CTDSPL: variants seen among roughly 807,000 people sequenced by gnomAD.
CTDSPL encodes the protein CTD small phosphatase like.
In CTDSPL, 8 loss-of-function variants were observed where a neutral mutation model predicts 30.5. The ratio of observed to expected loss-of-function variants is 0.26; its 90% confidence interval spans 0.15 to 0.47. The LOEUF (loss-of-function observed/expected upper bound fraction) is 0.47, where lower values mean the gene tolerates loss of function less well. Ranked by LOEUF, CTDSPL falls within the 20% of genes least tolerant of loss-of-function variation. The pLI is 0.99. For missense variants in CTDSPL, 248 were observed against 366.1 expected (o/e 0.68, Z 2.63); for synonymous variants, 110 against 137.9 (o/e 0.80, Z 1.42).
chr3:37,882,095 G>A (rs1284750857), intron 1 of CTDSPL, among the ~76,000 whole-genome samples: 2 of 152,120 alleles, frequency 1.3e-5, no homozygotes, highest in Non-Finnish European at 2.9e-5. Context: ...ATCACCTGAG[G>A]TCAGGAGTTT....
rs58061973 is a variant in CTDSPL at position 37,964,032 on chromosome 3, TAAAAAAAAAA to T, written c.268-511_268-502del. 9.1e-4 allele frequency among the ~76,000 whole-genome samples: 21 copies of T among 22,988 alleles called. No homozygotes were observed. The South Asian group carries it at 0.013, about 14-fold the overall frequency. The allele number at this position is 22,988 out of a possible 152,430, so 15.1% of individuals were successfully genotyped here. ...CAAGTTTTTTAAAAATCTCAGTCAC[TAAAAAAAAAA>T]AAAAAAAAAAAAAAAAAAAAAAAAA... On this transcript the variant is annotated intron_variant, in intron 3 of 7. Coordinates refer to ENST00000273179, the MANE Select transcript of CTDSPL (RefSeq NM_001008392.2).
chr3:37,967,999 A>G, intron 5 of CTDSPL, 117 bp downstream of exon 5: 1 of 690,826 alleles, frequency 1.4e-6, no homozygotes, highest in Non-Finnish European at 2.4e-6. Flanking sequence ...AATCAAAAGG[A>G]AGCATACTGT....
chr3:37,874,521 A>G (rs1393393714), intron 1 of CTDSPL, among the ~76,000 whole-genome samples: 1 of 152,092 alleles, frequency 6.6e-6, no homozygotes, highest in Non-Finnish European at 1.5e-5. Context: ...CACGAGGTCA[A>G]GAGATTGAGA....
chr3:37,888,600 A>G (rs1195480461), intron 1 of CTDSPL, among the ~76,000 whole-genome samples: 1 of 152,076 alleles, frequency 6.6e-6, no homozygotes, highest in Admixed American at 6.5e-5. Context: ...TACTTAGACC[A>G]CCCTGTTTGA....
Position 37,948,978 on chromosome 3 carries a change from G to A in CTDSPL, c.234+1767G>A, listed in dbSNP as rs921482987. 7.9e-5 allele frequency among the ~76,000 whole-genome samples: 12 copies of A among 150,962 alleles called. No homozygotes were observed. In the South Asian group the frequency reaches 1.1e-3, roughly 13 times the overall value. On this transcript the variant is annotated intron_variant, in intron 2 of 7. Transcript: ENST00000273179. ...TGGGACTACAGGCGCCCGCCACCGC[G>A]CCCGGCTAATTTTTTGTATTTTTAG...
At chr3:37,893,173 A>G (rs1308931260) in intron 1 of CTDSPL, among the ~76,000 whole-genome samples, 1 of 152,202 alleles carries the variant, frequency 6.6e-6, no homozygotes, top group African/African-American at 2.4e-5. Flanking sequence ...CTTTAGCAGG[A>G]CAGAACACAG....
intron 6 of CTDSPL, among the ~76,000 whole-genome samples, chr3:37,973,839 A>G (rs372660910): frequency 6.6e-6 from 1 of 152,262 alleles, no homozygotes; most frequent in Non-Finnish European, 1.5e-5. Context: ...CATTCTTCAC[A>G]TTCATTCTCT....
intron 1 of CTDSPL, among the ~76,000 whole-genome samples, chr3:37,914,035 G>T (rs1018080346): frequency 1.2e-4 from 19 of 152,128 alleles, no homozygotes; most frequent in African/African-American, 1.9e-4. Flanking sequence ...CAGAATTGAC[G>T]TCTTCACAGT....
intron 1 of CTDSPL, among the ~76,000 whole-genome samples, chr3:37,919,092 G>A (rs955514425): frequency 2.6e-5 from 4 of 152,010 alleles, no homozygotes; most frequent in African/African-American, 4.8e-5. Context: ...ACCCCTAGTC[G>A]CTACCAGGGC....
chr3:37,882,611 C>A (rs529316736), intron 1 of CTDSPL, among the ~76,000 whole-genome samples: 1 of 151,740 alleles, frequency 6.6e-6, no homozygotes, highest in South Asian at 2.1e-4. Flanking sequence ...AGGAAGACTC[C>A]GTCTCAAAAA....
intron 1 of CTDSPL, among the ~76,000 whole-genome samples, chr3:37,911,487 C>T (rs890046168): frequency 3.3e-5 from 5 of 152,124 alleles, no homozygotes; most frequent in African/African-American, 4.8e-5. Context: ...GAAGCAGAGC[C>T]GTGGAGCTTA....
chr3:37,918,540 C>T (rs984506832), intron 1 of CTDSPL, among the ~76,000 whole-genome samples: 1 of 152,188 alleles, frequency 6.6e-6, no homozygotes, highest in African/African-American at 2.4e-5. Flanking sequence ...AGAACTCTTT[C>T]ATTCTATCCT....
Position 37,980,992 on chromosome 3 carries a change from G to A in CTDSPL, c.*125G>A. On this transcript the variant is annotated 3_prime_UTR_variant, in exon 8 of 8. Coordinates refer to ENST00000273179, the MANE Select transcript of CTDSPL (RefSeq NM_001008392.2). ...CCGTGCTCCAGGCCACAGGGTGAAT[G>A]TGGCCATGCCTACCTGTTTTGTTTT... is the stretch of plus-strand genomic sequence containing the variant. 2 of 1,172,542 alleles carry A rather than the reference G, an allele frequency of 1.7e-6. No homozygotes were observed. Among genetic ancestry groups the A allele is most frequent in the Non-Finnish European group, 2.3e-6 (2 of 867,818 alleles). The allele number at this position is 1,172,542 out of a possible 1,614,324, so 72.6% of individuals were successfully genotyped here.
intron 1 of CTDSPL, among the ~76,000 whole-genome samples, chr3:37,939,190 G>A (rs1182456631): frequency 6.7e-6 from 1 of 150,220 alleles, no homozygotes; most frequent in African/African-American, 2.4e-5. Flanking sequence ...ACCTAAACCA[G>A]TCACAATTTT....
intron 1 of CTDSPL, among the ~76,000 whole-genome samples, chr3:37,905,862 A>T (rs559564713): frequency 1.3e-5 from 2 of 152,308 alleles, no homozygotes; most frequent in South Asian, 4.1e-4. Flanking sequence ...TGAAAGCCTG[A>T]TATTTTTCCA....
intron 1 of CTDSPL, among the ~76,000 whole-genome samples, chr3:37,891,060 A>G (rs935677254): frequency 2.6e-5 from 4 of 152,152 alleles, no homozygotes; most frequent in African/African-American, 9.7e-5. Flanking sequence ...AGAGTTAACC[A>G]GTGGGCACAC....
chr3:37,943,796 G>A (rs9876996), intron 1 of CTDSPL, among the ~76,000 whole-genome samples: 3,694 of 150,476 alleles, frequency 0.025, 204 homozygotes, highest in African/African-American at 0.084. Flanking sequence ...CCCCTTTTGT[G>A]TGTACAAGGA....
intron 1 of CTDSPL, among the ~76,000 whole-genome samples, chr3:37,898,973 A>G (rs1698419296): frequency 6.6e-6 from 1 of 152,234 alleles, no homozygotes; most frequent in Non-Finnish European, 1.5e-5. Context: ...ATGATCCAGG[A>G]GTCAACAGGA....
rs1034705711 is a variant in CTDSPL, at chr3:37,924,286, A to G, written c.80-22771A>G. On this transcript the variant is annotated intron_variant, in intron 1 of 7. Transcript: ENST00000273179. ...GCTGCCATTTGCTTTTCTCTTCATT[A>G]TGGTTACTGTCCCACAATTGGAAGA... Among the ~76,000 whole-genome samples, 3 of 151,892 alleles carry G rather than the reference A, an allele frequency of 2.0e-5. No homozygotes were observed. The East Asian group carries it at 5.8e-4, about 29-fold the overall frequency.
Sources: allele counts gnomAD v4.1 joint callset (sites outside exome capture counted in the v4.1 genomes callset), GRCh38; gene constraint gnomAD v4.1.1; transcripts MANE v1.5; gene names NCBI Gene and HGNC (gene_info 2026-07-23, HGNC 2026-07-21).